Variants in NFKBIA observed in about 807,000 individuals in gnomAD.
NFKBIA encodes the protein NFKB inhibitor alpha.
NFKBIA carries 10 observed loss-of-function variants against 36.3 expected under a neutral mutation model. That is an observed-to-expected ratio of 0.28 (90% CI 0.17 to 0.47). NFKBIA has a LOEUF of 0.47. NFKBIA is among the 20% of genes least tolerant of loss of function. The probability of loss-of-function intolerance (pLI) is 0.99; values close to 1 mark genes in which losing one functional copy is unlikely to be tolerated. For synonymous variants in NFKBIA, 205 were observed against 164.4 expected (o/e 1.25, Z -1.89); for missense variants, 355 against 399.3 (o/e 0.89, Z 0.94).
chr14:35,403,320 A>C lies in NFKBIA; in HGVS notation c.377T>G (p.Ile126Ser). ...HLAVITNQPE[I>S]AEALLGAGCD... Reference sequence around the variant, plus strand: ...GCCAGCTCCCAGAAGTGCCTCAGCAATTTCTGGCTGGTTGGTGATCACAGC... The same window carrying C: ...GCCAGCTCCCAGAAGTGCCTCAGCACTTTCTGGCTGGTTGGTGATCACAGC... Residue 126 changes from isoleucine to serine, a missense_variant, in exon 3 of 6, where the codon ATT becomes AGT. Ile to Ser is a moderately radical substitution (Grantham distance 142). Transcript: ENST00000216797. 6.2e-7 allele frequency: 1 copy of C among 1,614,072 alleles called. No individual in the cohort carries two copies. The highest frequency in any genetic ancestry group is 8.5e-7 in the Non-Finnish European group (1 of 1,180,022).
At chr14:35,403,013 T>C (rs1224775510) in intron 3 of NFKBIA, 137 bp downstream of exon 3, 1 of 1,258,912 alleles carries the variant, frequency 7.9e-7, no homozygotes, top group Non-Finnish European at 1.1e-6. Context: ...AATAGGCACT[T>C]TGCACACATA....
Position 35,403,790 on chromosome 14 carries a change from T to A in NFKBIA, c.236A>T (p.His79Leu). ...CTTTTCTTCATGGATGATGGCCAAG[T>A]GCAGGAACCTGTGGGGAAGAGAGGG... ...QLTEDGDSFLHLAIIHEEKAL... is the reference protein window; with the variant it reads ...QLTEDGDSFLLLAIIHEEKAL... The change falls in exon 2 of 6, where the codon CAC becomes CTC. Residue 79 changes from histidine to leucine, a missense_variant. Physicochemically the swap from His to Leu is moderately conservative, Grantham distance 99 (BLOSUM62 -3). Coordinates refer to ENST00000216797, the MANE Select transcript of NFKBIA (RefSeq NM_020529.3). 1 of 1,613,172 alleles carries A rather than the reference T, an allele frequency of 6.2e-7. No homozygotes were observed. Among genetic ancestry groups the A allele is most frequent in the Non-Finnish European group, 8.5e-7 (1 of 1,179,472 alleles).
Position 35,403,467 on chromosome 14 carries a change from G to T in NFKBIA, c.337-107C>A. On this transcript the variant is annotated intron_variant, in intron 2 of 5. Transcript: ENST00000216797. ...TTGGGTGCTGCTCCTCCTAGACAGG[G>T]GGGTGGGGAGGGCTGGCAAATAGCA... 3.2e-6 allele frequency: 4 copies of T among 1,235,650 alleles called. 1 individual carries two copies. The South Asian group carries it at 5.0e-5, about 15-fold the overall frequency. The allele number at this position is 1,235,650 out of a possible 1,614,324, so 76.5% of individuals were successfully genotyped here. A position where few individuals can be genotyped will look rare whatever the true frequency, so the allele number is the denominator to read the frequency against.
At chr14:35,404,059 G>C (rs1009467799) in intron 1 of NFKBIA, 8 of 474,726 alleles carry the variant, frequency 1.7e-5, no homozygotes, top group African/African-American at 8.6e-5. Context: ...TTCCCCTCCC[G>C]GCTGCTCGGC....
intron 5 of NFKBIA, 91 bp from the exon 6 acceptor site, chr14:35,402,151 C>T (rs1594426075): frequency 6.8e-7 from 1 of 1,478,062 alleles, no homozygotes; most frequent in Non-Finnish European, 9.5e-7. Context: ...GGAAATAACT[C>T]TTGGACTCCA....
In NFKBIA at chr14:35,404,537, G is replaced by A; in HGVS notation, c.108C>T (p.Ser36=). The change falls in exon 1 of 6, where the codon TCC becomes TCT. Residue 36 remains serine, a synonymous_variant. Transcript: ENST00000216797. The part of the protein sequence containing the change: ...LDDRHDSGLD[S]MKDEEYEQMV... ...TCTGCTCGTACTCCTCGTCTTTCATGGAGTCCAGGCCGCTGTCGTGGCGGT... is the reference window on the plus strand; with the variant it reads ...TCTGCTCGTACTCCTCGTCTTTCATAGAGTCCAGGCCGCTGTCGTGGCGGT... The A allele has an allele frequency of 1.2e-6, 2 of 1,603,576 alleles. No homozygotes were observed. Among genetic ancestry groups the A allele is most frequent in the Non-Finnish European group, 8.5e-7 (1 of 1,175,698 alleles).
chr14:35,403,794 G>A lies in NFKBIA; in HGVS notation c.232C>T (p.Leu78=), dbSNP rs745443930. 3 of 1,612,674 alleles carry A rather than the reference G, an allele frequency of 1.9e-6. No individual in the cohort carries two copies. The highest frequency in any genetic ancestry group is 2.5e-6 in the Non-Finnish European group (3 of 1,179,076). ...QQLTEDGDSF[L]HLAIIHEEKA... Reference sequence around the variant, plus strand: ...TCTTCATGGATGATGGCCAAGTGCAGGAACCTGTGGGGAAGAGAGGGAAAA... The same window carrying A: ...TCTTCATGGATGATGGCCAAGTGCAAGAACCTGTGGGGAAGAGAGGGAAAA... The change falls in exon 2 of 6, where the codon CTG becomes TTG. Residue 78 remains leucine (L), a synonymous_variant. Coordinates refer to ENST00000216797, the MANE Select transcript of NFKBIA (RefSeq NM_020529.3).
rs777254521 is a variant in NFKBIA at position 35,403,259 on chromosome 14, G to A, written c.438C>T (p.Thr146=). Residue 146 remains threonine, a synonymous_variant, in exon 3 of 6, where the codon ACC becomes ACT. Coordinates refer to ENST00000216797, the MANE Select transcript of NFKBIA (RefSeq NM_020529.3). ...CCTGCTCACAGGCAAGGTGTAGGGG[G>A]GTATTTCCTCGAAAGTCTCGGAGCT... ...DPELRDFRGN[T]PLHLACEQGC... 7.4e-6 allele frequency: 12 copies of A among 1,613,468 alleles called. No homozygotes were observed. Among genetic ancestry groups the A allele is most frequent in the African/African-American group, 5.3e-5 (4 of 74,886 alleles).
At chr14:35,403,870 C>T (rs2052757208) in intron 1 of NFKBIA, 72 bp from the exon 2 acceptor site, 8 of 1,120,566 alleles carry the variant, frequency 7.1e-6, no homozygotes, top group South Asian at 6.5e-5. Context: ...GCGCGGGCTG[C>T]GGGGGATTGC....
At position 35,403,725 on chromosome 14, in the gene NFKBIA, G is replaced by A. The variant is rs767452313; in HGVS notation, c.301C>T (p.Leu101=). 3 of 1,613,840 alleles carry A rather than the reference G, an allele frequency of 1.9e-6. No homozygotes were observed. Among genetic ancestry groups the A allele is most frequent in the South Asian group, 2.2e-5 (2 of 91,036 alleles). Residue 101 remains leucine (L), a synonymous_variant, in exon 2 of 6, where the codon CTG becomes TTG. Transcript: ENST00000216797. ...MEVIRQVKGD[L]AFLNFQNNLQ... ...TTGTTCTGGAAGTTGAGGAAGGCCA[G>A]GTCTCCCTTCACCTGGCGGATCACT...
intron 1 of NFKBIA, 132 bp downstream of exon 1, chr14:35,404,286 G>A (rs1390178104): frequency 7.2e-6 from 4 of 552,858 alleles, no homozygotes; most frequent in Admixed American, 9.5e-5. Flanking sequence ...CAGGAGCCCC[G>A]GGGTGCCGCG....
Position 35,401,592 on chromosome 14 carries a change from C to T in NFKBIA, c.*421G>A, listed in dbSNP as rs2273650. 7,484 of 291,100 alleles carry T rather than the reference C, an allele frequency of 0.026. 735 individuals carry two copies. The East Asian group carries it at 0.26, about 10-fold the overall frequency. 18.0% of individuals were successfully genotyped at this position (291,100 alleles called of 1,614,324 possible). A position where few individuals can be genotyped will look rare whatever the true frequency, so the allele number is the denominator to read the frequency against. ...AACAATACATTATGTACACCATTTA[C>T]AGGAGGGTAACACAAACCTTGACAG... On this transcript the variant is annotated 3_prime_UTR_variant, in exon 6 of 6. Transcript: ENST00000216797.
intron 2 of NFKBIA, 58 bp downstream of exon 2, chr14:35,403,626 GTGACTC>G (rs2052752995): frequency 8.5e-7 from 1 of 1,180,928 alleles, no homozygotes; most frequent in South Asian, 1.3e-5. Context: ...AGGATCTGGG[GTGACTC>G]TGCTACATCA....
At chr14:35,403,827 G>A (rs1421973717) in intron 1 of NFKBIA, 29 bp from the exon 2 acceptor site, 5 of 1,553,182 alleles carry the variant, frequency 3.2e-6, no homozygotes, top group Non-Finnish European at 4.4e-6. Flanking sequence ...AAAACCCCAG[G>A]GGTGGTGAGT....
Position 35,403,468 on chromosome 14 carries a change from G to A in NFKBIA, c.337-108C>T. On this transcript the variant is annotated intron_variant, in intron 2 of 5. Transcript: ENST00000216797. ...TGGGTGCTGCTCCTCCTAGACAGGG[G>A]GGTGGGGAGGGCTGGCAAATAGCAG... 4.8e-6 allele frequency: 6 copies of A among 1,241,218 alleles called. No homozygotes were observed. The South Asian group carries it at 5.0e-5, about 10-fold the overall frequency. The allele number at this position is 1,241,218 out of a possible 1,614,324, so 76.9% of individuals were successfully genotyped here.
chr14:35,404,573 C>T lies in NFKBIA; in HGVS notation c.72G>A (p.Arg24=), dbSNP rs2052770144. ...EGPRDGLKKE[R]LLDDRHDSGL... ...CGCTGTCGTGGCGGTCGTCCAGTAG[C>T]CGCTCCTTCTTCAGCCCGTCGCGGG... is the stretch of plus-strand genomic sequence containing the variant. Residue 24 remains arginine, a synonymous_variant, in exon 1 of 6, where the codon CGG becomes CGA. Coordinates refer to ENST00000216797, the MANE Select transcript of NFKBIA (RefSeq NM_020529.3). The T allele has an allele frequency of 1.3e-6, 2 of 1,592,948 alleles. No individual in the cohort carries two copies. The highest frequency in any genetic ancestry group is 1.7e-6 in the Non-Finnish European group (2 of 1,171,072).
At chr14:35,404,383 C>G in intron 1 of NFKBIA, 35 bp downstream of exon 1, 1 of 1,460,138 alleles carries the variant, frequency 6.8e-7, no homozygotes, top group South Asian at 1.3e-5. Flanking sequence ...TCCCGCCCTC[C>G]CGACGACCCC....
intron 1 of NFKBIA, chr14:35,404,114 G>A (rs2052761313): frequency 4.9e-6 from 2 of 406,770 alleles, no homozygotes; most frequent in Non-Finnish European, 8.9e-6. Context: ...ATGCAACCGG[G>A]GACTTCGCGT....
intron 4 of NFKBIA, 48 bp from the exon 5 acceptor site, chr14:35,402,711 C>A: frequency 1.9e-6 from 3 of 1,614,188 alleles, no homozygotes; most frequent in Non-Finnish European, 2.5e-6. Flanking sequence ...TTTGGAATTT[C>A]TGCTCACAAC....
Sources: allele counts gnomAD v4.1 joint callset, GRCh38; gene constraint gnomAD v4.1.1; transcripts MANE v1.5; gene names NCBI Gene and HGNC (gene_info 2026-07-23, HGNC 2026-07-21).